Variants in RBFOX3 observed in about 807,000 individuals in gnomAD.
RBFOX3 encodes the protein RNA binding protein fox-1 homolog 3.
In RBFOX3, 17 loss-of-function variants were observed where a neutral mutation model predicts 48.7. The observed-to-expected ratio is 0.35, with a 90% confidence interval of 0.24 to 0.52. The LOEUF (loss-of-function observed/expected upper bound fraction) is 0.52. Ranked by LOEUF, RBFOX3 falls within the 20% of genes least tolerant of loss-of-function variation. The pLI, the probability that RBFOX3 is intolerant of heterozygous loss-of-function variation, is 0.94. For missense variants in RBFOX3, 382 were observed against 497.5 expected (o/e 0.77, Z 2.21); for synonymous variants, 212 against 209.5 (o/e 1.01, Z -0.10).
intron 2 of RBFOX3, among the ~76,000 whole-genome samples, chr17:79,430,628 C>T (rs1309338712): frequency 6.6e-6 from 1 of 152,204 alleles, no homozygotes; most frequent in Non-Finnish European, 1.5e-5. Context: ...TCACTGCAAC[C>T]ACCGCCTCCG....
Position 79,610,916 on chromosome 17 carries a change from G to A in RBFOX3, c.-410C>T, listed in dbSNP as rs1389965084. Among the ~76,000 whole-genome samples, 1 of 151,500 alleles carries A rather than the reference G, an allele frequency of 6.6e-6. No homozygotes were observed. The highest frequency in any genetic ancestry group is 1.5e-5 in the Non-Finnish European group (1 of 67,820). ...GCCGAGCGGGCAGCGGCGTCCTGGG[G>A]CCGCACAGGCACCGGCGAGCCAGCG... is the stretch of plus-strand genomic sequence containing the variant. On this transcript the variant is annotated 5_prime_UTR_variant, in exon 1 of 15. Transcript: ENST00000693108.
rs551318750 is a variant in RBFOX3 at position 79,535,158 on chromosome 17, G to T, written c.-319-52560C>A. ...CCCCTCTCTATGCCACAAGGACACA[G>T]GTCCTGTCTCCTGCCTGCTCTGCTA... On this transcript the variant is annotated intron_variant, in intron 1 of 14. Coordinates refer to ENST00000693108, the MANE Select transcript of RBFOX3 (RefSeq NM_001350451.2). The surrounding 1 kb of genome is among the most constrained non-coding windows in gnomAD (Gnocchi z 4.5). Among the ~76,000 whole-genome samples the T allele has an allele frequency of 2.0e-5, 3 of 152,328 alleles. No individual in the cohort carries two copies. The East Asian group carries it at 5.8e-4, about 29-fold the overall frequency.
At chr17:79,431,748 G>C (rs2068502894) in intron 2 of RBFOX3, among the ~76,000 whole-genome samples, 1 of 152,222 alleles carries the variant, frequency 6.6e-6, no homozygotes, top group Non-Finnish European at 1.5e-5. Context: ...GCCTCCCAAA[G>C]TGCTGGGATT....
At chr17:79,293,413 T>TTCCC (rs1430980442) in intron 3 of RBFOX3, among the ~76,000 whole-genome samples, 1 of 4,588 alleles carries the variant, frequency 2.2e-4, no homozygotes, top group Non-Finnish European at 3.1e-4. Flanking sequence ...CCTCCACCCC[T>TTCCC]TCCTTCCTTC....
At chr17:79,610,079 C>A (rs1256366816) in intron 1 of RBFOX3, among the ~76,000 whole-genome samples, 1 of 152,030 alleles carries the variant, frequency 6.6e-6, no homozygotes, top group Non-Finnish European at 1.5e-5. Context: ...CGGCCCGGAG[C>A]GCCCCCAGCC....
At chr17:79,225,048 G>A (rs1567872374) in intron 4 of RBFOX3, among the ~76,000 whole-genome samples, 1 of 152,166 alleles carries the variant, frequency 6.6e-6, no homozygotes. Context: ...CACCATTAGA[G>A]ACACCCCAGG....
chr17:79,234,991 CA>C (rs2061475762), intron 4 of RBFOX3: 1 of 152,002 alleles, frequency 6.6e-6, no homozygotes, highest in South Asian at 2.1e-4. Context: ...CTTGGCCTCC[CA>C]AAATGTTGAG....
intron 4 of RBFOX3, among the ~76,000 whole-genome samples, chr17:79,207,153 C>A (rs957903403): frequency 6.6e-6 from 1 of 152,180 alleles, no homozygotes; most frequent in African/African-American, 2.4e-5. Flanking sequence ...AGTGCCTCTG[C>A]CTAATATTAT....
the RBFOX3 span, among the ~76,000 whole-genome samples, chr17:79,632,288 C>T: frequency 6.6e-6 from 1 of 151,994 alleles, no homozygotes; most frequent in Non-Finnish European, 1.5e-5. Context: ...GATCCGTATA[C>T]AGATGAGGGG....
chr17:79,566,109 T>TC (rs1203867201), intron 1 of RBFOX3, among the ~76,000 whole-genome samples: 2 of 152,042 alleles, frequency 1.3e-5, no homozygotes, highest in Non-Finnish European at 2.9e-5. Context: ...CTGCGCCCCA[T>TC]CCGAGACATC....
At chr17:79,559,458 G>T (rs1331925717) in intron 1 of RBFOX3, among the ~76,000 whole-genome samples, 2 of 151,354 alleles carry the variant, frequency 1.3e-5, no homozygotes, top group Non-Finnish European at 2.9e-5. Flanking sequence ...GTAGGTGGAT[G>T]GTGACTGATG....
At chr17:79,106,902 T>G in intron 5 of RBFOX3, 114 bp from the exon 6 acceptor site, 2 of 1,326,224 alleles carry the variant, frequency 1.5e-6, no homozygotes, top group East Asian at 3.0e-5. Flanking sequence ...CTTCTGGGCC[T>G]CTCCCCCATC....
chr17:79,324,395 A>G (rs1032468998), intron 2 of RBFOX3, among the ~76,000 whole-genome samples: 1 of 152,222 alleles, frequency 6.6e-6, no homozygotes, highest in African/African-American at 2.4e-5. Flanking sequence ...CCTTCTGGGC[A>G]GACCCCAGGG....
intron 4 of RBFOX3, among the ~76,000 whole-genome samples, chr17:79,121,975 C>T (rs2035865281): frequency 6.6e-6 from 1 of 152,116 alleles, no homozygotes; most frequent in Admixed American, 6.5e-5. Context: ...TTGACGTGCC[C>T]CCAAAGGGAC....
chr17:79,662,308 G>C, the RBFOX3 span, among the ~76,000 whole-genome samples: 1 of 151,824 alleles, frequency 6.6e-6, no homozygotes, highest in Non-Finnish European at 1.5e-5. Flanking sequence ...ATTTCTAGTA[G>C]AGACAGGGTT....
chr17:79,263,460 T>C (rs1286585706), intron 3 of RBFOX3, among the ~76,000 whole-genome samples: 7 of 152,214 alleles, frequency 4.6e-5, no homozygotes, highest in Non-Finnish European at 8.8e-5. Context: ...GTCAGGTTTT[T>C]ACCAGTCGTG....
At chr17:79,383,379 C>T (rs1055782057) in intron 2 of RBFOX3, among the ~76,000 whole-genome samples, 9 of 152,264 alleles carry the variant, frequency 5.9e-5, no homozygotes, top group South Asian at 2.1e-4. Flanking sequence ...CCCACGGCCG[C>T]GGCGGTGCAC....
intron 3 of RBFOX3, among the ~76,000 whole-genome samples, chr17:79,292,331 T>C (rs756174973): frequency 2.6e-5 from 4 of 151,942 alleles, no homozygotes; most frequent in Non-Finnish European, 5.9e-5. Context: ...ATGCCTCCAG[T>C]ATAGAATTTA....
intron 4 of RBFOX3, among the ~76,000 whole-genome samples, chr17:79,207,992 C>T (rs1171149473): frequency 2.6e-5 from 4 of 152,184 alleles, no homozygotes; most frequent in South Asian, 2.1e-4. Flanking sequence ...CGGCAAGCCT[C>T]GGCTGGGCTG....
Sources: allele counts gnomAD v4.1 joint callset (sites outside exome capture counted in the v4.1 genomes callset), GRCh38; gene constraint gnomAD v4.1.1; non-coding constraint Gnocchi (gnomAD v3.1); transcripts MANE v1.5; gene names NCBI Gene and HGNC (gene_info 2026-07-23, HGNC 2026-07-21).